Variants in SAMD3 observed in about 807,000 individuals in gnomAD.
The protein encoded by SAMD3 is sterile alpha motif domain containing 3.
Under a neutral mutation model 58.5 loss-of-function variants are expected in SAMD3, and 63 were observed. That is an observed-to-expected ratio of 1.08 (90% CI 0.88 to 1.33). SAMD3 has a LOEUF of 1.33. Among genes scored for constraint, SAMD3 ranks in the 40% most tolerant of loss-of-function variants. SAMD3 has a pLI of 0.00. For missense variants in SAMD3, 604 were observed against 608.4 expected, an observed-to-expected ratio of 0.99 and a Z score of 0.08; for synonymous variants, 220 against 210.3, an observed-to-expected ratio of 1.05 and a Z score of -0.40.
In SAMD3 at chr6:130,302,232, A is replaced by G. The variant is rs372696292; in HGVS notation, c.-188+10746T>C. Among the ~76,000 whole-genome samples the G allele has an allele frequency of 2.2e-3, 331 of 152,300 alleles. 2 individuals are homozygous for G. The highest frequency in any genetic ancestry group is 7.5e-3 in the African/African-American group (311 of 41,560). On this transcript the variant is annotated intron_variant, in intron 2 of 13. Coordinates refer to the SAMD3 transcript ENST00000368134. ...GGACTAATATCCAGAATCTATATGG[A>G]ACTTAAACAAATAGCCCATTAAAAA...
At chr6:130,171,818 G>A (rs111244783) in intron 8 of SAMD3, among the ~76,000 whole-genome samples, 2,733 of 152,120 alleles carry the variant, frequency 0.018, 67 homozygotes, top group African/African-American at 0.059. Flanking sequence ...TGTTAAAGTC[G>A]CCTACTATTA....
At chr6:130,172,874 T>C (rs112961415) in intron 8 of SAMD3, among the ~76,000 whole-genome samples, 2 of 152,234 alleles carry the variant, frequency 1.3e-5, no homozygotes, top group African/African-American at 2.4e-5. Context: ...TTTTACATAG[T>C]CCCATATTTC....
chr6:130,180,414 C>T (rs1792197978), intron 7 of SAMD3, among the ~76,000 whole-genome samples: 1 of 149,530 alleles, frequency 6.7e-6, no homozygotes, highest in Non-Finnish European at 1.5e-5. Context: ...AGATTATAGG[C>T]GTGAACCACC....
chr6:130,172,743 T>A (rs1791362825), intron 8 of SAMD3, among the ~76,000 whole-genome samples: 1 of 152,202 alleles, frequency 6.6e-6, no homozygotes, highest in African/African-American at 2.4e-5. Flanking sequence ...TGAATTTGCA[T>A]GTTGGCCTGT....
intron 1 of SAMD3, among the ~76,000 whole-genome samples, chr6:130,349,856 C>G (rs1562535558): frequency 6.6e-6 from 1 of 152,134 alleles, no homozygotes; most frequent in Non-Finnish European, 1.5e-5. Context: ...AGCAGCACAT[C>G]AAAAAGCTTA....
intron 5 of SAMD3, among the ~76,000 whole-genome samples, chr6:130,201,974 C>A (rs1018508100): frequency 6.6e-6 from 1 of 152,184 alleles, no homozygotes; most frequent in African/African-American, 2.4e-5. Flanking sequence ...GTCTACCAGA[C>A]TCTGAATTCC....
chr6:130,276,627 A>T (rs1774784815), intron 2 of SAMD3, among the ~76,000 whole-genome samples: 1 of 152,194 alleles, frequency 6.6e-6, no homozygotes, highest in South Asian at 2.1e-4. Flanking sequence ...ATGTATATAC[A>T]CTTACATTAT....
intron 1 of SAMD3, among the ~76,000 whole-genome samples, chr6:130,318,070 C>T (rs1344854649): frequency 2.0e-5 from 3 of 152,158 alleles, no homozygotes. Flanking sequence ...GTTAGGAAAC[C>T]ACCCAAGGCT....
At chr6:130,283,604 C>A (rs1775059778) in intron 2 of SAMD3, among the ~76,000 whole-genome samples, 1 of 152,104 alleles carries the variant, frequency 6.6e-6, no homozygotes. Context: ...TATTGCCTTT[C>A]TTCAAATTAC....
intron 7 of SAMD3, among the ~76,000 whole-genome samples, chr6:130,182,627 G>A (rs1472522624): frequency 6.6e-6 from 1 of 150,442 alleles, no homozygotes; most frequent in East Asian, 2.0e-4. Flanking sequence ...AAGAAAGAAG[G>A]AGGGAGGGGA....
At position 130,215,248 on chromosome 6, in the gene SAMD3, ACCTGCTCAACTG is replaced by A; in HGVS notation, c.14_25del (p.Ser5_Val9delinsPhe). ...ATTTTTCTCCACCAACCAACTGCAG[ACCTGCTCAACTG>A]ACCAGGTTTCCATTGCTGTCTCCTG... On this transcript the variant is annotated inframe_deletion, in exon 3 of 12. Transcript: ENST00000439090. 1 of 1,611,192 alleles carries A rather than the reference ACCTGCTCAACTG, an allele frequency of 6.2e-7. No homozygotes were observed. Among genetic ancestry groups the A allele is most frequent in the South Asian group, 1.1e-5 (1 of 90,802 alleles).
intron 7 of SAMD3, among the ~76,000 whole-genome samples, chr6:130,182,339 A>G (rs1792431411): frequency 6.6e-6 from 1 of 152,148 alleles, no homozygotes; most frequent in African/African-American, 2.4e-5. Flanking sequence ...AAAGGATGTC[A>G]TCCTAGAAGC....
intron 1 of SAMD3, among the ~76,000 whole-genome samples, chr6:130,362,377 G>A (rs1778013545): frequency 6.6e-6 from 1 of 152,216 alleles, no homozygotes; most frequent in African/African-American, 2.4e-5. Context: ...GACTGGTTCA[G>A]TACCATGGAC....
intron 8 of SAMD3, chr6:130,162,073 C>T: frequency 1.9e-6 from 1 of 517,560 alleles, no homozygotes; most frequent in East Asian, 3.1e-5. Context: ...TTAGAGGAAT[C>T]AGCGTAAATT....
intron 2 of SAMD3, among the ~76,000 whole-genome samples, chr6:130,272,265 A>T (rs1774592211): frequency 6.6e-6 from 1 of 152,140 alleles, no homozygotes; most frequent in Non-Finnish European, 1.5e-5. Context: ...TTGAAATGCT[A>T]TCTTTACTGA....
At chr6:130,209,176 C>T (rs1795327031) in intron 5 of SAMD3, among the ~76,000 whole-genome samples, 1 of 152,166 alleles carries the variant, frequency 6.6e-6, no homozygotes. Context: ...GAACATTATT[C>T]ATTGAATAAA....
At chr6:130,186,685 A>T (rs1437516228) in intron 5 of SAMD3, among the ~76,000 whole-genome samples, 2 of 151,388 alleles carry the variant, frequency 1.3e-5, no homozygotes, top group Admixed American at 1.3e-4. Flanking sequence ...CCCATGGCCA[A>T]ATTACCTCTC....
chr6:130,238,201 G>T (rs58172557), intron 2 of SAMD3, among the ~76,000 whole-genome samples: 1 of 152,014 alleles, frequency 6.6e-6, no homozygotes, highest in African/African-American at 2.4e-5. Context: ...GGATAACTAC[G>T]TGCACAGAGG....
intron 8 of SAMD3, among the ~76,000 whole-genome samples, chr6:130,173,856 G>A (rs1445076377): frequency 6.6e-6 from 1 of 152,266 alleles, no homozygotes; most frequent in African/African-American, 2.4e-5. Flanking sequence ...GTAAGCCCCT[G>A]AGTGGGGCTG....
Sources: allele counts gnomAD v4.1 joint callset (sites outside exome capture counted in the v4.1 genomes callset), GRCh38; gene constraint gnomAD v4.1.1; transcripts MANE v1.5; gene names NCBI Gene and HGNC (gene_info 2026-07-23, HGNC 2026-07-21).